Variants in LRP5 observed in about 807,000 individuals in gnomAD.
The protein encoded by LRP5 is low-density lipoprotein receptor-related protein 5.
In LRP5, 62 loss-of-function variants were observed where a neutral mutation model predicts 154.1. The observed-to-expected ratio is 0.40, with a 90% CI of 0.33 to 0.50. The LOEUF (loss-of-function observed/expected upper bound fraction) is 0.50. Ranked by LOEUF, LRP5 falls within the 20% of genes least tolerant of loss-of-function variation. The probability of loss-of-function intolerance (pLI) is 0.55; values close to 1 mark genes in which losing one functional copy is unlikely to be tolerated. For synonymous variants in LRP5, 966 were observed against 1,011.5 expected (o/e 0.96, Z 0.85); for missense variants, 1,915 against 2,336.7 (o/e 0.82, Z 3.72).
intron 8 of LRP5, 122 bp downstream of exon 8, chr11:68,403,821 C>T (rs1329990110): frequency 2.2e-5 from 26 of 1,171,694 alleles, no homozygotes; most frequent in Non-Finnish European, 3.0e-5. Context: ...AAGGGCAGGA[C>T]AGGAAAGGTG....
At chr11:68,398,321 C>A (rs974225149) in intron 7 of LRP5, among the ~76,000 whole-genome samples, 1 of 152,216 alleles carries the variant, frequency 6.6e-6, no homozygotes, top group Non-Finnish European at 1.5e-5. Flanking sequence ...TTGGGATCTC[C>A]CGTCATTCCC....
At chr11:68,368,385 T>TA (rs1323041401) in intron 5 of LRP5, among the ~76,000 whole-genome samples, 1 of 152,186 alleles carries the variant, frequency 6.6e-6, no homozygotes, top group African/African-American at 2.4e-5. Context: ...TCTGAAGGAC[T>TA]AAAAGAGGGA....
chr11:68,299,466 C>G, the LRP5 span, among the ~76,000 whole-genome samples: 1 of 146,828 alleles, frequency 6.8e-6, no homozygotes, highest in African/African-American at 2.7e-5. Flanking sequence ...GGGGTGGAGT[C>G]CTCAGTGTAG....
chr11:68,437,075 C>G, intron 19 of LRP5, 76 bp downstream of exon 19: 3 of 1,265,008 alleles, frequency 2.4e-6, no homozygotes, highest in Non-Finnish European at 3.4e-6. Context: ...GGGGAGGAGA[C>G]GTGCCTTTCC....
chr11:68,432,336 A>T (rs1337186143), intron 17 of LRP5, among the ~76,000 whole-genome samples: 5 of 152,150 alleles, frequency 3.3e-5, no homozygotes, highest in Non-Finnish European at 7.3e-5. Flanking sequence ...CGTGTCCCCC[A>T]TGGCCAGGCA....
intron 13 of LRP5, among the ~76,000 whole-genome samples, chr11:68,418,583 AAGGCTGGTGCCGTCCAGAC>A (rs1486282425): frequency 6.6e-6 from 1 of 152,084 alleles, no homozygotes; most frequent in Non-Finnish European, 1.5e-5. Context: ...TCCCCATCTG[AAGGCTGGTGCCGTCCAGAC>A]AGGCTGGACG....
intron 4 of LRP5, 103 bp downstream of exon 4, chr11:68,364,046 CGTGG>C: frequency 4.3e-5 from 1 of 23,298 alleles, no homozygotes; most frequent in East Asian, 1.1e-3. Flanking sequence ...GGTGCGCGGG[CGTGG>C]GTGGGGTGGG....
At chr11:68,332,486 C>T (rs1265735700) in intron 1 of LRP5, among the ~76,000 whole-genome samples, 5 of 152,200 alleles carry the variant, frequency 3.3e-5, no homozygotes, top group South Asian at 2.1e-4. Context: ...AGGTGAAGTG[C>T]GGGCTCTCTC....
chr11:68,444,702 T>G (rs1820324624), intron 21 of LRP5, among the ~76,000 whole-genome samples: 1 of 151,592 alleles, frequency 6.6e-6, no homozygotes, highest in South Asian at 2.1e-4. Flanking sequence ...CAGTGCAGAT[T>G]TGGGCAGAAT....
At chr11:68,318,204 G>C (rs920938832) in intron 1 of LRP5, among the ~76,000 whole-genome samples, 4 of 151,712 alleles carry the variant, frequency 2.6e-5, no homozygotes, top group African/African-American at 9.7e-5. Flanking sequence ...ACAGGCACCC[G>C]CCACCACGCC....
rs1033662807 is a variant in LRP5, at chr11:68,411,362, C to G, written c.2319-74C>G. The G allele has an allele frequency of 2.0e-6, 3 of 1,499,046 alleles. No individual in the cohort carries two copies. The Admixed American group carries it at 5.2e-5, about 26-fold the overall frequency. The allele number at this position is 1,499,046 out of a possible 1,614,324, so 92.9% of individuals were successfully genotyped here. A position where few individuals can be genotyped will look rare whatever the true frequency, so the allele number is the denominator to read the frequency against. On this transcript the variant is annotated intron_variant, in intron 10 of 22. Coordinates refer to ENST00000294304, the MANE Select transcript of LRP5 (RefSeq NM_002335.4). ...TGAGCTGAAGAGGTGGGGACAGTTG[C>G]GTCCCCCCGCCACCCACTGTCCTGC...
chr11:68,331,559 C>T (rs936491589), intron 1 of LRP5, among the ~76,000 whole-genome samples: 11 of 152,228 alleles, frequency 7.2e-5, no homozygotes, highest in East Asian at 3.9e-4. Context: ...CTGTGTGCTC[C>T]GAGGTGTCTG....
chr11:68,411,407 A>G (rs1171978736), intron 10 of LRP5, 29 bp from the exon 11 acceptor site: 2 of 1,606,578 alleles, frequency 1.2e-6, no homozygotes, highest in East Asian at 2.2e-5. Flanking sequence ...AGACTCACTG[A>G]GCCTGCCCTT....
the LRP5 span, among the ~76,000 whole-genome samples, chr11:68,307,274 C>A: frequency 3.9e-5 from 6 of 152,140 alleles, no homozygotes; most frequent in Non-Finnish European, 8.8e-5. Flanking sequence ...GAGTTCAAGA[C>A]CAGCCTGGGC....
At chr11:68,391,542 CTG>C (rs931269680) in intron 7 of LRP5, among the ~76,000 whole-genome samples, 1 of 152,198 alleles carries the variant, frequency 6.6e-6, no homozygotes, top group African/African-American at 2.4e-5. Context: ...GAGTGTGTGT[CTG>C]TGTTGCAGGA....
At chr11:68,359,460 G>A (rs954602182) in intron 3 of LRP5, among the ~76,000 whole-genome samples, 8 of 152,168 alleles carry the variant, frequency 5.3e-5, no homozygotes, top group African/African-American at 1.7e-4. Context: ...CAGTTATGAA[G>A]GGTGGACAAG....
chr11:68,399,759 G>A (rs921570670), intron 7 of LRP5, among the ~76,000 whole-genome samples: 1 of 152,210 alleles, frequency 6.6e-6, no homozygotes, highest in South Asian at 2.1e-4. Context: ...GAGGGAACCT[G>A]CCCCAGGTCT....
chr11:68,365,904 C>G (rs900149207), intron 5 of LRP5, among the ~76,000 whole-genome samples: 11 of 152,146 alleles, frequency 7.2e-5, no homozygotes, highest in Non-Finnish European at 1.5e-4. Flanking sequence ...GAGGTCAATC[C>G]TGTTTTGTTT....
intron 7 of LRP5, among the ~76,000 whole-genome samples, chr11:68,393,502 C>T (rs1161306730): frequency 1.3e-5 from 2 of 152,212 alleles, no homozygotes; most frequent in African/African-American, 4.8e-5. Flanking sequence ...AATATTCAGC[C>T]AGGTGCTCTG....
Sources: gnomAD v4.1 joint callset for allele counts (sites outside exome capture counted in the v4.1 genomes callset) on GRCh38, gnomAD v4.1.1 for gene constraint, MANE v1.5 for transcripts, NCBI Gene and HGNC (gene_info 2026-07-23, HGNC 2026-07-21) for gene names.